The following ENTREP2 variants were observed in gnomAD, a reference collection of about 807,000 sequenced individuals.
The protein encoded by ENTREP2 is endosomal transmembrane epsin interactor 2, also known as protein ENTREP2.
the ENTREP2 span, chr15:29,266,804 G>A: frequency 4.6e-5 from 7 of 152,280 alleles, no homozygotes; most frequent in Middle Eastern, 3.4e-3. Flanking sequence ...AAAGATATAA[G>A]GCCTTGATGT....
the ENTREP2 span, chr15:29,136,929 C>T: frequency 4.9e-6 from 5 of 1,013,124 alleles, no homozygotes; most frequent in Non-Finnish European, 5.4e-6. Flanking sequence ...ACTGCCCCTC[C>T]TCTGTTCTCA....
chr15:29,170,837 G>C, the ENTREP2 span, among the ~76,000 whole-genome samples: 2 of 152,306 alleles, frequency 1.3e-5, no homozygotes, highest in Admixed American at 1.3e-4. Flanking sequence ...AAAGCATTCT[G>C]TTACAGCAAC....
the ENTREP2 span, among the ~76,000 whole-genome samples, chr15:29,378,637 C>G: frequency 6.6e-6 from 1 of 152,230 alleles, no homozygotes; most frequent in Non-Finnish European, 1.5e-5. Flanking sequence ...AGCCTCAGCT[C>G]TTCCCTCCAT....
At chr15:29,496,585 T>C in the ENTREP2 span, among the ~76,000 whole-genome samples, 3 of 152,064 alleles carry the variant, frequency 2.0e-5, no homozygotes, top group Non-Finnish European at 4.4e-5. Flanking sequence ...TTGAGGCATA[T>C]TATTTCTATA....
At chr15:29,171,552 A>AT in the ENTREP2 span, among the ~76,000 whole-genome samples, 22 of 151,360 alleles carry the variant, frequency 1.5e-4, no homozygotes, top group East Asian at 9.7e-4. Context: ...CAAGTAAGGT[A>AT]TTTTTTTTTA....
chr15:29,563,567 C>T, the ENTREP2 span, among the ~76,000 whole-genome samples: 25 of 152,154 alleles, frequency 1.6e-4, no homozygotes, highest in East Asian at 1.9e-4. Flanking sequence ...AGCAGTGGCT[C>T]GTGCCTATAA....
At chr15:29,524,093 A>G in the ENTREP2 span, among the ~76,000 whole-genome samples, 1 of 152,186 alleles carries the variant, frequency 6.6e-6, no homozygotes, top group Non-Finnish European at 1.5e-5. Context: ...AAGACAATCT[A>G]CAAACTGGAA....
chr15:29,519,835 G>A, the ENTREP2 span, among the ~76,000 whole-genome samples: 1 of 152,162 alleles, frequency 6.6e-6, no homozygotes, highest in Non-Finnish European at 1.5e-5. Context: ...GTGAAAATAG[G>A]CAGTTCCTGC....
chr15:29,594,608 T>C, the ENTREP2 span, among the ~76,000 whole-genome samples: 1 of 152,096 alleles, frequency 6.6e-6, no homozygotes, highest in Non-Finnish European at 1.5e-5. Flanking sequence ...TTTGAATGAG[T>C]GAATGACTGA....
the ENTREP2 span, among the ~76,000 whole-genome samples, chr15:29,182,854 C>G: frequency 6.6e-6 from 1 of 151,966 alleles, no homozygotes; most frequent in Admixed American, 6.6e-5. Flanking sequence ...AAAAAGAGCC[C>G]TCAGAAATAG....
chr15:29,665,416 C>T, the ENTREP2 span, among the ~76,000 whole-genome samples: 1 of 152,214 alleles, frequency 6.6e-6, no homozygotes. Flanking sequence ...AAATGGCTCT[C>T]TCTAGAGGGG....
the ENTREP2 span, among the ~76,000 whole-genome samples, chr15:29,631,110 T>C: frequency 4.6e-5 from 7 of 152,262 alleles, no homozygotes; most frequent in East Asian, 9.6e-4. Flanking sequence ...TGATTTTCAT[T>C]TAGTTCCTTT....
chr15:29,237,699 G>A, the ENTREP2 span, among the ~76,000 whole-genome samples: 6 of 152,262 alleles, frequency 3.9e-5, no homozygotes, highest in East Asian at 7.7e-4. Flanking sequence ...ACCCTCACGC[G>A]TTGCTGCTGG....
the ENTREP2 span, among the ~76,000 whole-genome samples, chr15:29,321,622 C>A: frequency 1.4e-5 from 2 of 146,540 alleles, no homozygotes; most frequent in Admixed American, 1.4e-4. Context: ...GTACTCCAGC[C>A]TGGGTGACAA....
the ENTREP2 span, among the ~76,000 whole-genome samples, chr15:29,429,719 G>A: frequency 1.3e-5 from 2 of 152,214 alleles, no homozygotes; most frequent in Non-Finnish European, 2.9e-5. Flanking sequence ...GGACAGCCAT[G>A]AGCTGAAACT....
chr15:29,275,257 T>C, the ENTREP2 span, among the ~76,000 whole-genome samples: 2 of 152,164 alleles, frequency 1.3e-5, no homozygotes, highest in African/African-American at 4.8e-5. Context: ...TGGAAAGAAA[T>C]ATATATATCA....
the ENTREP2 span, chr15:29,376,894 A>G: frequency 6.6e-6 from 1 of 152,306 alleles, no homozygotes; most frequent in Non-Finnish European, 1.5e-5. Context: ...TCATGCCTGT[A>G]CTCAGCCAGC....
the ENTREP2 span, among the ~76,000 whole-genome samples, chr15:29,138,671 GTC>G: frequency 1.1e-4 from 16 of 147,764 alleles, no homozygotes; most frequent in African/African-American, 3.3e-4. Flanking sequence ...AGATGTGTGT[GTC>G]TCTGTGTGTA....
chr15:29,415,385 A>AACAGC, the ENTREP2 span, among the ~76,000 whole-genome samples: 5 of 152,204 alleles, frequency 3.3e-5, no homozygotes, highest in African/African-American at 1.2e-4. Context: ...ATATAAACAG[A>AACAGC]ACCAAAGACA....
Sources: gnomAD v4.1 joint callset for allele counts (sites outside exome capture counted in the v4.1 genomes callset) on GRCh38, gnomAD v4.1.1 for gene constraint, MANE v1.5 for transcripts, NCBI Gene and HGNC (gene_info 2026-07-23, HGNC 2026-07-21) for gene names.